VWC2L: variants seen among roughly 807,000 people sequenced by gnomAD.
The protein encoded by VWC2L is von Willebrand factor C domain containing 2 like.
A neutral mutation model predicts 21.6 loss-of-function variants in VWC2L; 10 were observed. The observed-to-expected ratio is 0.46, with a 90% CI of 0.29 to 0.78. VWC2L has a LOEUF of 0.78. Among genes scored for constraint, VWC2L ranks in the 30% least tolerant of loss-of-function variants. The pLI, the probability that VWC2L is intolerant of heterozygous loss-of-function variation, is 0.10. For synonymous variants in VWC2L, 96 were observed against 94.3 expected (o/e 1.02, Z -0.10); for missense variants, 209 against 277.1 (o/e 0.75, Z 1.74).
At chr2:214,476,996 A>C (rs866696721) in intron 3 of VWC2L, among the ~76,000 whole-genome samples, 1 of 152,184 alleles carries the variant, frequency 6.6e-6, no homozygotes, top group African/African-American at 2.4e-5. Context: ...CAGGAAACTA[A>C]CTTTTATGTT....
intron 3 of VWC2L, among the ~76,000 whole-genome samples, chr2:214,562,205 CA>C: frequency 6.6e-6 from 1 of 152,182 alleles, no homozygotes; most frequent in Non-Finnish European, 1.5e-5. Context: ...CATGTGTTCT[CA>C]TTGTTCAGCT....
chr2:214,495,680 T>C (rs1270381835), intron 3 of VWC2L, among the ~76,000 whole-genome samples: 1 of 152,134 alleles, frequency 6.6e-6, no homozygotes, highest in Admixed American at 6.6e-5. Flanking sequence ...ACAGAGCTGT[T>C]CTATCAAATA....
intron 3 of VWC2L, among the ~76,000 whole-genome samples, chr2:214,511,528 C>T (rs1037266663): frequency 6.6e-6 from 1 of 152,090 alleles, no homozygotes; most frequent in Non-Finnish European, 1.5e-5. Flanking sequence ...TACTCTCTGC[C>T]GTGTGAATAC....
intron 3 of VWC2L, among the ~76,000 whole-genome samples, chr2:214,511,976 C>T (rs540604706): frequency 6.0e-5 from 9 of 150,246 alleles, no homozygotes; most frequent in Admixed American, 2.0e-4. Flanking sequence ...CCCAAAGAGT[C>T]ATGAACTTAA....
intron 3 of VWC2L, among the ~76,000 whole-genome samples, chr2:214,460,488 G>A (rs1354944407): frequency 6.6e-6 from 1 of 152,120 alleles, no homozygotes; most frequent in East Asian, 1.9e-4. Flanking sequence ...GTTTGTGTGT[G>A]TGTGCCTGTG....
In VWC2L at chr2:214,492,490, T is replaced by C. The variant is rs78495659; in HGVS notation, c.520+55732T>C. ...CACCAAATCAGCAGTCCAGCCCACATAGACCAATGTACCTGTGAGACACAG... is the reference window on the plus strand; with the variant it reads ...CACCAAATCAGCAGTCCAGCCCACACAGACCAATGTACCTGTGAGACACAG... On this transcript the variant is annotated intron_variant, in intron 3 of 3. Transcript: ENST00000312504. 9.0e-3 allele frequency among the ~76,000 whole-genome samples: 1,373 copies of C among 152,278 alleles called. 22 individuals carry two copies. The highest frequency in any genetic ancestry group is 0.031 in the African/African-American group (1,298 of 41,556).
intron 3 of VWC2L, among the ~76,000 whole-genome samples, chr2:214,572,738 T>C (rs1690170855): frequency 6.6e-6 from 1 of 152,162 alleles, no homozygotes; most frequent in Non-Finnish European, 1.5e-5. Context: ...AACAGCAAAC[T>C]TGAGACTTCT....
chr2:214,419,038 G>A (rs925681535), intron 2 of VWC2L, among the ~76,000 whole-genome samples: 2 of 152,176 alleles, frequency 1.3e-5, no homozygotes, highest in African/African-American at 4.8e-5. Flanking sequence ...AAATTCAAAT[G>A]TAAATTGATC....
chr2:214,520,993 G>A (rs979396680), intron 3 of VWC2L, among the ~76,000 whole-genome samples: 3 of 151,940 alleles, frequency 2.0e-5, no homozygotes, highest in African/African-American at 7.3e-5. Flanking sequence ...GGAGGCTGAG[G>A]CGGGTGGATC....
At chr2:214,423,634 C>G (rs1574556824) in intron 2 of VWC2L, among the ~76,000 whole-genome samples, 1 of 152,048 alleles carries the variant, frequency 6.6e-6, no homozygotes, top group South Asian at 2.1e-4. Context: ...AAAATACTGG[C>G]ACATCAAAAA....
chr2:214,531,104 C>T (rs533473137), intron 3 of VWC2L, among the ~76,000 whole-genome samples: 18 of 152,256 alleles, frequency 1.2e-4, no homozygotes, highest in African/African-American at 4.3e-4. Flanking sequence ...TGCCTGTAGA[C>T]TCAATAAGGT....
intron 3 of VWC2L, among the ~76,000 whole-genome samples, chr2:214,504,751 G>C (rs998330419): frequency 1.3e-5 from 2 of 150,150 alleles, no homozygotes; most frequent in East Asian, 4.2e-4. Context: ...ACTTCATAAC[G>C]TTCATTATTT....
intron 3 of VWC2L, among the ~76,000 whole-genome samples, chr2:214,558,551 A>G (rs538254883): frequency 6.6e-6 from 1 of 152,314 alleles, no homozygotes; most frequent in South Asian, 2.1e-4. Flanking sequence ...TACCACCAAC[A>G]TGAATCATGC....
chr2:214,482,664 T>A (rs1415388078), intron 3 of VWC2L, among the ~76,000 whole-genome samples: 2 of 139,818 alleles, frequency 1.4e-5, no homozygotes, highest in African/African-American at 6.2e-5. Context: ...TATATATATA[T>A]TTTTTTTTCT....
intron 3 of VWC2L, among the ~76,000 whole-genome samples, chr2:214,475,281 G>A (rs900799568): frequency 6.6e-6 from 1 of 152,044 alleles, no homozygotes; most frequent in Non-Finnish European, 1.5e-5. Context: ...GGCTGGGCAA[G>A]GAACAAAGGT....
chr2:214,515,720 A>T (rs1689131465), intron 3 of VWC2L, among the ~76,000 whole-genome samples: 1 of 151,864 alleles, frequency 6.6e-6, no homozygotes, highest in African/African-American at 2.4e-5. Context: ...GTCCCGGCTA[A>T]TTTTTTGTAT....
At position 214,578,891 on chromosome 2, in the gene VWC2L, G is replaced by T. The variant is rs1690274101; in HGVS notation, c.*3071G>T. 6.6e-6 allele frequency: 1 copy of T among 151,508 alleles called. No individual in the cohort carries two copies. Among genetic ancestry groups the T allele is most frequent in the African/African-American group, 2.4e-5 (1 of 41,274 alleles). 9.4% of individuals were successfully genotyped at this position (151,508 alleles called of 1,614,324 possible). On this transcript the variant is annotated 3_prime_UTR_variant, in exon 4 of 4. Coordinates refer to ENST00000312504, the MANE Select transcript of VWC2L (RefSeq NM_001080500.4). The stretch of plus-strand genomic sequence containing the variant: ...AACCTAAACACTAAACTGTAAAAAG[G>T]GGATTCTAGCAACAATATTTGATGT...
At chr2:214,482,072 T>C (rs527860177) in intron 3 of VWC2L, among the ~76,000 whole-genome samples, 3 of 152,254 alleles carry the variant, frequency 2.0e-5, no homozygotes, top group South Asian at 4.1e-4. Flanking sequence ...ATACTGATGA[T>C]TGAAACATTG....
At chr2:214,457,113 G>C (rs1213886826) in intron 3 of VWC2L, among the ~76,000 whole-genome samples, 1 of 151,976 alleles carries the variant, frequency 6.6e-6, no homozygotes, top group Non-Finnish European at 1.5e-5. Flanking sequence ...AATGTTATTT[G>C]TATTTTGAAA....
Sources: gnomAD v4.1 joint callset for allele counts (sites outside exome capture counted in the v4.1 genomes callset) on GRCh38, gnomAD v4.1.1 for gene constraint, MANE v1.5 for transcripts, NCBI Gene and HGNC (gene_info 2026-07-23, HGNC 2026-07-21) for gene names.